Variants in NCKAP1 observed in about 807,000 individuals in gnomAD.
NCKAP1 encodes the protein nck-associated protein 1.
Under a neutral mutation model 151.2 loss-of-function variants are expected in NCKAP1, and 21 were observed. The ratio of observed to expected loss-of-function variants is 0.14; its 90% CI spans 0.10 to 0.20. The LOEUF (loss-of-function observed/expected upper bound fraction) is 0.20, where lower values mean the gene tolerates loss of function less well. Among genes scored for constraint, NCKAP1 ranks in the 10% least tolerant of loss-of-function variants. The pLI, the probability that NCKAP1 is intolerant of heterozygous loss-of-function variation, is 1.00. For synonymous variants in NCKAP1, 484 were observed against 451.8 expected, an observed-to-expected ratio of 1.07 and a Z score of -0.90; for missense variants, 933 against 1,352.1, an observed-to-expected ratio of 0.69 and a Z score of 4.86.
chr2:182,985,629 C>G (rs767714976), intron 10 of NCKAP1, among the ~76,000 whole-genome samples: 6 of 151,832 alleles, frequency 4.0e-5, no homozygotes, highest in Non-Finnish European at 8.8e-5. Flanking sequence ...TGGTGAAAAC[C>G]TGTCTCTACT....
At position 182,922,400 on chromosome 2, in the gene NCKAP1, A is replaced by C. The variant is rs1411132775; in HGVS notation, c.*3302T>G. 6.6e-6 allele frequency: 1 copy of C among 152,222 alleles called. No homozygotes were observed. The highest frequency in any genetic ancestry group is 1.5e-5 in the Non-Finnish European group (1 of 68,054). The allele number at this position is 152,222 out of a possible 1,614,324, so 9.4% of individuals were successfully genotyped here. On this transcript the variant is annotated 3_prime_UTR_variant, in exon 31 of 31. Transcript: ENST00000361354. ...AACTCTGCTATATAAGCAAAGAAGAAAGCAAGCAAGCACATGATCAGAAGA... is the reference window on the plus strand; with the variant it reads ...AACTCTGCTATATAAGCAAAGAAGACAGCAAGCAAGCACATGATCAGAAGA...
At chr2:182,935,878 C>T (rs1323634552) in intron 24 of NCKAP1, among the ~76,000 whole-genome samples, 1 of 152,106 alleles carries the variant, frequency 6.6e-6, no homozygotes, top group Non-Finnish European at 1.5e-5. Flanking sequence ...AGAACACATG[C>T]AGTTTTGGCA....
intron 20 of NCKAP1, 47 bp from the exon 21 acceptor site, chr2:182,953,378 T>C (rs2105823234): frequency 2.2e-6 from 3 of 1,381,674 alleles, no homozygotes; most frequent in African/African-American, 2.9e-5. Context: ...GACTTTTCCA[T>C]TCATGTAAAA....
At chr2:183,010,795 T>C (rs1353785922) in intron 2 of NCKAP1, among the ~76,000 whole-genome samples, 6 of 152,224 alleles carry the variant, frequency 3.9e-5, no homozygotes, top group African/African-American at 1.4e-4. Flanking sequence ...TCACATTGCA[T>C]TAATGATAAC....
chr2:182,987,974 T>C (rs1207363918), intron 9 of NCKAP1, among the ~76,000 whole-genome samples: 1 of 152,130 alleles, frequency 6.6e-6, no homozygotes, highest in Admixed American at 6.5e-5. Context: ...TACATCTTGA[T>C]TTAAGTGGTG....
At chr2:182,997,325 C>T (rs1575055738) in intron 6 of NCKAP1, among the ~76,000 whole-genome samples, 1 of 151,994 alleles carries the variant, frequency 6.6e-6, no homozygotes, top group Non-Finnish European at 1.5e-5. Context: ...TTTTCTAGTT[C>T]TTGTAAGTGC....
chr2:182,930,295 CAT>C (rs1209522622), intron 27 of NCKAP1, among the ~76,000 whole-genome samples: 3 of 152,034 alleles, frequency 2.0e-5, no homozygotes, highest in African/African-American at 7.2e-5. Flanking sequence ...CATAGCTGAT[CAT>C]TTCCTTTCTA....
chr2:182,957,664 C>T (rs1697353331), intron 18 of NCKAP1, 68 bp from the exon 19 acceptor site: 3 of 1,476,994 alleles, frequency 2.0e-6, no homozygotes, highest in South Asian at 2.5e-5. Context: ...ACTATTCAAG[C>T]AAACAGTAGC....
In NCKAP1 at chr2:182,911,361, T is replaced by C. The variant is rs73042165; in HGVS notation, c.*14341A>G. ...CATGCTAACACCACTAAGCCTTACATAGTGGGGAATTCAAACACATGGGAA... is the reference window on the plus strand; with the variant it reads ...CATGCTAACACCACTAAGCCTTACACAGTGGGGAATTCAAACACATGGGAA... On this transcript the variant is annotated 3_prime_UTR_variant, in exon 31 of 31. Coordinates refer to ENST00000361354, the MANE Select transcript of NCKAP1 (RefSeq NM_013436.5). 16,521 of 152,048 alleles carry C rather than the reference T, an allele frequency of 0.11. 1,354 individuals carry two copies. Among genetic ancestry groups the C allele is most frequent in the African/African-American group, 0.22 (9,194 of 41,430 alleles). 9.4% of individuals were successfully genotyped at this position (152,048 alleles called of 1,614,324 possible).
At chr2:183,033,059 GA>G (rs1699036942) in intron 1 of NCKAP1, among the ~76,000 whole-genome samples, 1 of 152,138 alleles carries the variant, frequency 6.6e-6, no homozygotes, top group Non-Finnish European at 1.5e-5. Context: ...CAAAAAAAGA[GA>G]AGAAATGCAT....
chr2:183,036,522 CT>C (rs958458759), intron 1 of NCKAP1, among the ~76,000 whole-genome samples: 4 of 152,098 alleles, frequency 2.6e-5, no homozygotes, highest in African/African-American at 9.7e-5. Flanking sequence ...TGAATTATTC[CT>C]AACCTATATA....
intron 18 of NCKAP1, among the ~76,000 whole-genome samples, chr2:182,961,732 AAAATAAAT>A (rs1226559928): frequency 1.3e-5 from 2 of 151,994 alleles, no homozygotes; most frequent in African/African-American, 4.8e-5. Context: ...AGTATAATAA[AAAATAAAT>A]AAATAAATAA....
intron 9 of NCKAP1, 98 bp downstream of exon 9, chr2:182,988,932 T>C (rs1238104276): frequency 4.7e-6 from 5 of 1,067,242 alleles, no homozygotes; most frequent in East Asian, 2.4e-5. Flanking sequence ...TGTATCTTCC[T>C]GCACAGTGTG....
intron 3 of NCKAP1, 30 bp from the exon 4 acceptor site, chr2:183,003,060 A>G: frequency 6.5e-7 from 1 of 1,541,578 alleles, no homozygotes. Flanking sequence ...TTAATCTTTT[A>G]TCTGTATAAA....
At chr2:183,008,060 G>A (rs1698514211) in intron 2 of NCKAP1, among the ~76,000 whole-genome samples, 1 of 152,122 alleles carries the variant, frequency 6.6e-6, no homozygotes, top group African/African-American at 2.4e-5. Flanking sequence ...CCGAGTAGCT[G>A]GGATTATACG....
Position 182,930,730 on chromosome 2 carries a change from G to A in NCKAP1, c.2918C>T (p.Pro973Leu). 6.2e-7 allele frequency: 1 copy of A among 1,613,364 alleles called. No individual in the cohort carries two copies. The highest frequency in any genetic ancestry group is 1.3e-5 in the African/African-American group (1 of 75,012). The change falls in exon 27 of 31, where the codon CCT becomes CTT. Residue 973 changes from proline to leucine, a missense_variant. Around this residue, in one of 2 missense-constraint regions of NCKAP1, gnomAD observed 326 missense variants for 557.1 expected, o/e 0.59. Coordinates refer to ENST00000361354, the MANE Select transcript of NCKAP1 (RefSeq NM_013436.5). ...TGAAGAAAGAGCTACGACCAATGCAGGATCAATCTCACAAGGTAATCCGGC... is the reference window on the plus strand; with the variant it reads ...TGAAGAAAGAGCTACGACCAATGCAAGATCAATCTCACAAGGTAATCCGGC... ...SAAGLPCEID[P>L]ALVVALSSQK...
chr2:182,993,729 T>C (rs1698213904), intron 8 of NCKAP1, among the ~76,000 whole-genome samples: 1 of 148,548 alleles, frequency 6.7e-6, no homozygotes, highest in Non-Finnish European at 1.5e-5. Context: ...ACTTGAAGGT[T>C]GGGATAAAAA....
chr2:182,959,436 T>C (rs142042073), intron 18 of NCKAP1, among the ~76,000 whole-genome samples: 2,701 of 152,160 alleles, frequency 0.018, 43 homozygotes, highest in Middle Eastern at 0.031. Context: ...GTTCAACATA[T>C]GCAAATCAAT....
intron 1 of NCKAP1, among the ~76,000 whole-genome samples, chr2:183,027,704 A>T (rs35566709): frequency 0.084 from 12,715 of 152,126 alleles, 672 homozygotes; most frequent in Middle Eastern, 0.15. Context: ...AAAAATTTTT[A>T]AAAAAACTTT....
Sources: gnomAD v4.1 joint callset for allele counts (sites outside exome capture counted in the v4.1 genomes callset) on GRCh38, gnomAD v4.1.1 for gene constraint, gnomAD v4.1.1 regional missense constraint, MANE v1.5 for transcripts, NCBI Gene and HGNC (gene_info 2026-07-23, HGNC 2026-07-21) for gene names.